The following HS6ST2 variants were observed in gnomAD, a reference collection of about 807,000 sequenced individuals.
HS6ST2 encodes heparan sulfate 6-O-sulfotransferase 2.
In HS6ST2, 17 loss-of-function variants were observed where a neutral mutation model predicts 33.0. The ratio of observed to expected loss-of-function variants is 0.52; its 90% CI spans 0.35 to 0.77. HS6ST2 has a LOEUF of 0.77. Ranked by LOEUF, HS6ST2 falls within the 30% of genes least tolerant of loss-of-function variation. HS6ST2 has a pLI of 0.01. For missense variants in HS6ST2, 519 were observed against 551.7 expected (o/e 0.94, Z 0.59); for synonymous variants, 248 against 237.1 (o/e 1.05, Z -0.42).
At chrX:132,869,277 G>A (rs1178561244) in intron 2 of HS6ST2, among the ~76,000 whole-genome samples, 1 of 111,122 alleles carries the variant, frequency 9.0e-6, no homozygotes, top group Non-Finnish European at 1.9e-5. Flanking sequence ...CTGAAATTGA[G>A]GCAGTAATAG....
chrX:132,735,423 T>C (rs2064498839), intron 2 of HS6ST2: 1 of 111,252 alleles, frequency 9.0e-6, no homozygotes, highest in African/African-American at 3.3e-5. Flanking sequence ...GTCAAAAACG[T>C]GTAAAGATTC....
At chrX:132,773,198 G>C (rs985851273) in intron 2 of HS6ST2, among the ~76,000 whole-genome samples, 1 of 98,482 alleles carries the variant, frequency 1.0e-5, no homozygotes, top group Non-Finnish European at 2.0e-5. Context: ...TTATAAATAT[G>C]TAATATATAA....
intron 2 of HS6ST2, among the ~76,000 whole-genome samples, chrX:132,808,324 C>T (rs192056467): frequency 2.9e-4 from 33 of 111,871 alleles, no homozygotes; most frequent in Non-Finnish European, 4.9e-4. Context: ...TTTGATATTT[C>T]AAAATGTGCC....
intron 2 of HS6ST2, among the ~76,000 whole-genome samples, chrX:132,811,078 T>C (rs1454425028): frequency 1.8e-5 from 2 of 112,726 alleles, no homozygotes; most frequent in Non-Finnish European, 3.7e-5. Context: ...TAACAAGTTC[T>C]CCAAGTGATT....
At chrX:132,695,730 C>T (rs1479377878) in intron 3 of HS6ST2, among the ~76,000 whole-genome samples, 1 of 111,997 alleles carries the variant, frequency 8.9e-6, no homozygotes, top group Admixed American at 9.5e-5. Context: ...TGGCTGGGAG[C>T]TCGACAAGTA....
rs189550397 is a variant in HS6ST2 at position 132,935,608 on chromosome X, G to A, written c.947+21200C>T. On this transcript the variant is annotated intron_variant, in intron 2 of 4. Transcript: ENST00000370833. ...ATGAAGTCTCAATATATTTAAAATA[G>A]TTGAATCATACAATGTATGTTCTCC... is the stretch of plus-strand genomic sequence containing the variant. Among the ~76,000 whole-genome samples, 230 of 111,726 alleles carry A rather than the reference G, an allele frequency of 2.1e-3. 2 individuals carry two copies. The highest frequency in any genetic ancestry group is 7.3e-3 in the African/African-American group (224 of 30,772).
chrX:132,839,863 T>C (rs1177011474), intron 2 of HS6ST2, among the ~76,000 whole-genome samples: 1 of 110,890 alleles, frequency 9.0e-6, no homozygotes, highest in Non-Finnish European at 1.9e-5. Context: ...ATGTCTGTGA[T>C]CCCAACACTT....
intron 1 of HS6ST2, 72 bp downstream of exon 1, chrX:132,958,103 G>C: frequency 1.0e-6 from 1 of 993,274 alleles, no homozygotes; most frequent in Non-Finnish European, 1.3e-6. Context: ...CCCCGCGGCT[G>C]CCTTCCCTCC....
rs927703278 is a variant in HS6ST2 at position 132,926,827 on chromosome X, G to A, written c.947+29981C>T. ...AATCCCAGCTACTCGGGAGGCCGAG[G>A]CAGGAGAATCACTTGAACCCAGGAG... is the stretch of plus-strand genomic sequence containing the variant. On this transcript the variant is annotated intron_variant, in intron 2 of 4. Transcript: ENST00000370833. 8.0e-5 allele frequency among the ~76,000 whole-genome samples: 9 copies of A among 111,873 alleles called. No homozygotes were observed. In the East Asian group the frequency reaches 8.5e-4, roughly 11 times the overall value.
At chrX:132,764,476 T>C (rs1360776177) in intron 2 of HS6ST2, among the ~76,000 whole-genome samples, 2 of 112,159 alleles carry the variant, frequency 1.8e-5, no homozygotes, top group Non-Finnish European at 3.8e-5. Context: ...TGGGAGTTTA[T>C]GATGTGACAT....
chrX:132,687,003 C>T (rs776147039), intron 3 of HS6ST2, among the ~76,000 whole-genome samples: 1 of 112,275 alleles, frequency 8.9e-6, no homozygotes. Context: ...TTCCTTGACC[C>T]TTCAAGCTCA....
At chrX:132,841,960 T>G (rs1206947347) in intron 2 of HS6ST2, among the ~76,000 whole-genome samples, 2 of 111,733 alleles carry the variant, frequency 1.8e-5, no homozygotes, top group Admixed American at 1.9e-4. Context: ...TTTAAGAAGA[T>G]TGAAGATGAA....
chrX:132,688,518 A>C (rs1194808690), intron 3 of HS6ST2, among the ~76,000 whole-genome samples: 3 of 111,250 alleles, frequency 2.7e-5, no homozygotes, highest in Non-Finnish European at 3.8e-5. Flanking sequence ...GGGGAAGCAA[A>C]CACATCCTTC....
intron 2 of HS6ST2, among the ~76,000 whole-genome samples, chrX:132,950,950 T>A (rs906477787): frequency 1.8e-5 from 2 of 111,454 alleles, no homozygotes; most frequent in African/African-American, 3.3e-5. Context: ...TGAATTCAGA[T>A]TAACTGGGTC....
At chrX:132,922,524 G>C (rs2066662819) in intron 2 of HS6ST2, among the ~76,000 whole-genome samples, 1 of 111,751 alleles carries the variant, frequency 8.9e-6, no homozygotes, top group Non-Finnish European at 1.9e-5. Context: ...TTTTGGCAGA[G>C]TGTCAATGAA....
chrX:132,859,107 T>C (rs776687875), intron 2 of HS6ST2, among the ~76,000 whole-genome samples: 11 of 112,150 alleles, frequency 9.8e-5, no homozygotes, highest in African/African-American at 3.6e-4. Context: ...CCAGTGGGAT[T>C]TGTTGTGCCC....
intron 2 of HS6ST2, among the ~76,000 whole-genome samples, chrX:132,768,903 A>T (rs1441149857): frequency 8.9e-6 from 1 of 112,778 alleles, no homozygotes; most frequent in Admixed American, 9.4e-5. Context: ...AATTCTGGGC[A>T]TAAGCAACAT....
intron 2 of HS6ST2, among the ~76,000 whole-genome samples, chrX:132,865,904 G>A (rs1256364943): frequency 5.4e-5 from 6 of 111,274 alleles, no homozygotes; most frequent in East Asian, 2.8e-4. Context: ...AGCAGGTTGC[G>A]AAAATTTTCT....
chrX:132,666,900 G>A (rs970908078), intron 4 of HS6ST2, among the ~76,000 whole-genome samples: 4 of 110,975 alleles, frequency 3.6e-5, no homozygotes, highest in African/African-American at 1.3e-4. Context: ...AATACACCAT[G>A]GGGAAAAGCC....
Sources: allele counts gnomAD v4.1 joint callset (sites outside exome capture counted in the v4.1 genomes callset), GRCh38; gene constraint gnomAD v4.1.1; transcripts MANE v1.5; gene names NCBI Gene and HGNC (gene_info 2026-07-23, HGNC 2026-07-21).